Variants in TULP2 observed in about 807,000 individuals in gnomAD.
TULP2 encodes the protein TUB like protein 2.
In TULP2, 64 loss-of-function variants were observed where a neutral mutation model predicts 60.3. The ratio of observed to expected loss-of-function variants is 1.06; its 90% CI spans 0.87 to 1.31. TULP2 has a LOEUF of 1.31. Ranked by LOEUF, TULP2 falls within the 50% of genes most tolerant of loss-of-function variation. The pLI is 0.00. For missense variants in TULP2, 652 were observed against 667.0 expected (o/e 0.98, Z 0.25); for synonymous variants, 267 against 265.4 (o/e 1.01, Z -0.06).
At chr19:48,883,625 G>A in intron 11 of TULP2, 129 bp downstream of exon 11, 1 of 911,428 alleles carries the variant, frequency 1.1e-6, no homozygotes, top group Non-Finnish European at 1.7e-6. Context: ...AAGTCCTTCA[G>A]GCTTCATGTG....
chr19:48,881,190 AGAC>A, intron 12 of TULP2, 64 bp from the exon 13 acceptor site: 1 of 590,788 alleles, frequency 1.7e-6, no homozygotes, highest in South Asian at 2.1e-5. Flanking sequence ...TCGAGAACTG[AGAC>A]TTTTTTTTTT....
chr19:48,897,405 G>A lies in TULP2; in HGVS notation c.33-9C>T. ...GCTCATGCCCCAGGATGCTGAGAGA[G>A]ACACAGGCCCATGGTGACAGTGCAC... On this transcript the variant is annotated splice_polypyrimidine_tract_variant and intron_variant, in intron 2 of 12. Transcript: ENST00000221399. This position sits in a 1 kb window ranked among gnomAD's most constrained non-coding sequence, Gnocchi z 4.0. The A allele has an allele frequency of 1.9e-6, 3 of 1,613,594 alleles. No individual in the cohort carries two copies. The highest frequency in any genetic ancestry group is 2.2e-5 in the South Asian group (2 of 90,926).
intron 1 of TULP2, among the ~76,000 whole-genome samples, chr19:48,898,075 G>A (rs2037299203): frequency 6.6e-6 from 1 of 151,940 alleles, no homozygotes; most frequent in South Asian, 2.1e-4. Flanking sequence ...GGGTTCAAGC[G>A]ATTCTCCTGC....
Position 48,882,216 on chromosome 19 carries a change from G to A in TULP2, c.1276-13C>T, listed in dbSNP as rs2037140976. On this transcript the variant is annotated splice_polypyrimidine_tract_variant and intron_variant, in intron 11 of 12. Transcript: ENST00000221399. ...GCGACTCCTGTTCCTAGAAGGTAAAGAAGGGGCTGTGGTTTTCTCAGAGGC... is the reference window on the plus strand; with the variant it reads ...GCGACTCCTGTTCCTAGAAGGTAAAAAAGGGGCTGTGGTTTTCTCAGAGGC... The A allele has an allele frequency of 6.2e-7, 1 of 1,613,984 alleles. No individual in the cohort carries two copies. The highest frequency in any genetic ancestry group is 8.5e-7 in the Non-Finnish European group (1 of 1,179,954).
At position 48,897,448 on chromosome 19, in the gene TULP2, C is replaced by G. The variant is rs1438724704; in HGVS notation, c.33-52G>C. The stretch of plus-strand genomic sequence containing the variant: ...CAGTGCACAGGGAACCTCGGTTGCC[C>G]AAGAGAGTCCCTCCTTCCCCCATCC... On this transcript the variant is annotated intron_variant, in intron 2 of 12. Coordinates refer to ENST00000221399, the MANE Select transcript of TULP2 (RefSeq NM_003323.3). This position sits in a 1 kb window ranked among gnomAD's most constrained non-coding sequence, Gnocchi z 4.0. The G allele has an allele frequency of 6.3e-7, 1 of 1,585,642 alleles. No homozygotes were observed. The highest frequency in any genetic ancestry group is 1.1e-5 in the South Asian group (1 of 88,962).
chr19:48,881,864 G>C, intron 12 of TULP2, 168 bp downstream of exon 12: 1 of 890,478 alleles, frequency 1.1e-6, no homozygotes, highest in Non-Finnish European at 1.7e-6. Flanking sequence ...TACTAAGCCA[G>C]AAACCCTGAG....
chr19:48,884,143 G>A (rs1346292017), intron 9 of TULP2, 97 bp from the exon 10 acceptor site: 3 of 972,340 alleles, frequency 3.1e-6, no homozygotes, highest in African/African-American at 3.2e-5. Context: ...AATCCCCTAT[G>A]TCTAAGACTA....
At position 48,888,272 on chromosome 19, in the gene TULP2, C is replaced by T. The variant is rs765765527; in HGVS notation, c.637-11G>A. ...TTCCAAGTCTTCTTCCTAGCCCAGG[C>T]ACCAAATTTAAAGTCGAGGGACAAC... On this transcript the variant is annotated splice_polypyrimidine_tract_variant and intron_variant, in intron 7 of 12. Coordinates refer to ENST00000221399, the MANE Select transcript of TULP2 (RefSeq NM_003323.3). The T allele has an allele frequency of 1.3e-6, 2 of 1,572,192 alleles. No individual in the cohort carries two copies. Among genetic ancestry groups the T allele is most frequent in the South Asian group, 1.2e-5 (1 of 86,258 alleles).
chr19:48,888,004 G>C lies in TULP2; in HGVS notation c.894C>G (p.Asp298Glu). Residue 298 changes from aspartate (D) to glutamate (E), a missense_variant, in exon 8 of 13, where the codon GAC becomes GAG. By Grantham distance (45) the Asp-to-Glu change is conservative (BLOSUM62 2). Transcript: ENST00000221399. ...CYLTRDKHGV[D>E]KGLFPLYYLY... Reference sequence around the variant, plus strand: ...GGTAGTAGAGGGGGAACAAGCCCTTGTCCACGCCGTGCTTGTCACGGGTGA... The same window carrying C: ...GGTAGTAGAGGGGGAACAAGCCCTTCTCCACGCCGTGCTTGTCACGGGTGA... The C allele has an allele frequency of 6.2e-7, 1 of 1,614,192 alleles. No individual in the cohort carries two copies. The highest frequency in any genetic ancestry group is 8.5e-7 in the Non-Finnish European group (1 of 1,180,024).
intron 6 of TULP2, among the ~76,000 whole-genome samples, chr19:48,889,888 C>T (rs1008693522): frequency 1.3e-5 from 2 of 152,188 alleles, no homozygotes; most frequent in African/African-American, 4.8e-5. Context: ...AAAGAGTCAT[C>T]ACCACTCCCT....
chr19:48,896,638 C>T lies in TULP2; in HGVS notation c.85-82G>A, dbSNP rs563178356. The T allele has an allele frequency of 1.3e-5, 19 of 1,455,140 alleles. No homozygotes were observed. In the East Asian group the frequency reaches 2.2e-4, roughly 17 times the overall value. 90.1% of individuals were successfully genotyped at this position (1,455,140 alleles called of 1,614,324 possible). Reference sequence around the variant, plus strand: ...TGAGGTGGGGCCTGGGGCAAGGGCTCGCATCGGCGCGAGAGTTCGTGAACC... The same window carrying T: ...TGAGGTGGGGCCTGGGGCAAGGGCTTGCATCGGCGCGAGAGTTCGTGAACC... On this transcript the variant is annotated intron_variant, in intron 3 of 12. Transcript: ENST00000221399.
At chr19:48,882,736 T>C (rs2037145654) in intron 11 of TULP2, among the ~76,000 whole-genome samples, 1 of 152,104 alleles carries the variant, frequency 6.6e-6, no homozygotes, top group South Asian at 2.1e-4. Flanking sequence ...TTGAGAAAGG[T>C]AAAAACACCT....
chr19:48,896,138 A>G (rs1304568236), intron 4 of TULP2, among the ~76,000 whole-genome samples: 2 of 151,582 alleles, frequency 1.3e-5, no homozygotes, highest in East Asian at 3.9e-4. Flanking sequence ...GCCAAGCCCA[A>G]TCATCACATT....
At chr19:48,890,780 G>T (rs1308121797) in intron 6 of TULP2, among the ~76,000 whole-genome samples, 2 of 152,068 alleles carry the variant, frequency 1.3e-5, no homozygotes, top group East Asian at 3.9e-4. Flanking sequence ...GTCTACAAGG[G>T]CCAGAGTTTC....
intron 1 of TULP2, 119 bp downstream of exon 1, chr19:48,898,471 G>A (rs2122148821): frequency 6.6e-6 from 1 of 151,780 alleles, no homozygotes; most frequent in East Asian, 1.9e-4. Context: ...CAGCGGCCTA[G>A]AACTCCACTG....
At chr19:48,894,219 G>C (rs1437551831) in intron 6 of TULP2, among the ~76,000 whole-genome samples, 2 of 151,900 alleles carry the variant, frequency 1.3e-5, no homozygotes, top group African/African-American at 4.8e-5. Flanking sequence ...TTTTAGTAGA[G>C]ACATGGTTTC....
Position 48,896,449 on chromosome 19 carries a change from C to A in TULP2, c.192G>T (p.Glu64Asp). 6.2e-7 allele frequency: 1 copy of A among 1,609,864 alleles called. No individual in the cohort carries two copies. Among genetic ancestry groups the A allele is most frequent in the South Asian group, 1.1e-5 (1 of 90,408 alleles). Residue 64 changes from glutamate to aspartate, a missense_variant, in exon 4 of 13, where the codon GAG (glutamate) becomes GAT (aspartate). By Grantham distance (45) the Glu-to-Asp change is conservative. Coordinates refer to ENST00000221399, the MANE Select transcript of TULP2 (RefSeq NM_003323.3). ...PWLWRSCLRE[E>D]RLLGDRGLGN... ...GGTCACCTCTGTCACCTAAAAGGCG[C>A]TCCTCCCGCAGACAAGAGCGCCAAA...
Position 48,888,230 on chromosome 19 carries a change from G to A in TULP2, c.668C>T (p.Ser223Phe). 1.2e-6 allele frequency: 2 copies of A among 1,601,542 alleles called. No individual in the cohort carries two copies. The highest frequency in any genetic ancestry group is 1.7e-6 in the Non-Finnish European group (2 of 1,170,472). Residue 223 changes from serine (S) to phenylalanine (F), a missense_variant, in exon 8 of 13, where the codon TCT becomes TTT. Coordinates refer to ENST00000221399, the MANE Select transcript of TULP2 (RefSeq NM_003323.3). ...TGAGGAGTTCGTCCCTGTAGACTCA[G>A]AGGCCTCTCTCTTCTTTTCCAAGTC... ...EEDLEKKREA[S>F]ESTGTNSSAA...
Position 48,898,587 on chromosome 19 carries a change from T to C in TULP2, c.-2+3A>G, listed in dbSNP as rs543947869. On this transcript the variant is annotated splice_donor_region_variant and intron_variant, in intron 1 of 12. Transcript: ENST00000221399. ...TGCCTCTCTGGCCAATCTCTAAACA[T>C]ACCTGATCCTCTCTTTGGAAGCTGG... The C allele has an allele frequency of 4.3e-4, 65 of 151,768 alleles. No homozygotes were observed. The highest frequency in any genetic ancestry group is 1.5e-3 in the African/African-American group (63 of 41,346). 9.4% of individuals were successfully genotyped at this position (151,768 alleles called of 1,614,324 possible).
Sources: gnomAD v4.1 joint callset for allele counts (sites outside exome capture counted in the v4.1 genomes callset) on GRCh38, gnomAD v4.1.1 for gene constraint, Gnocchi (gnomAD v3.1) non-coding constraint, MANE v1.5 for transcripts, NCBI Gene and HGNC (gene_info 2026-07-23, HGNC 2026-07-21) for gene names.